ADGRB1: variants seen among roughly 807,000 people sequenced by gnomAD.
The protein encoded by ADGRB1 is adhesion G protein-coupled receptor B1.
In ADGRB1, 36 loss-of-function variants were observed where a neutral mutation model predicts 175.7. That is an observed-to-expected ratio of 0.20 (90% CI 0.16 to 0.27). The LOEUF is 0.27. Ranked by LOEUF, ADGRB1 falls within the 10% of genes least tolerant of loss-of-function variation. The probability of loss-of-function intolerance (pLI) is 1.00; values close to 1 mark genes in which losing one functional copy is unlikely to be tolerated. For synonymous variants in ADGRB1, 1,054 were observed against 979.4 expected, an observed-to-expected ratio of 1.08 and a Z score of -1.42; for missense variants, 1,731 against 2,255.3, an observed-to-expected ratio of 0.77 and a Z score of 4.71.
Position 142,461,720 on chromosome 8 carries a change from T to C in ADGRB1, c.-219-2260T>C, listed in dbSNP as rs539183634. 3.9e-5 allele frequency among the ~76,000 whole-genome samples: 6 copies of C among 152,224 alleles called. 1 individual carries two copies. In the South Asian group the frequency reaches 1.2e-3, roughly 32 times the overall value. On this transcript the variant is annotated intron_variant, in intron 1 of 30. Coordinates refer to ENST00000517894, the MANE Select transcript of ADGRB1 (RefSeq NM_001702.3). ...TGGCATCTTGAGCTGTGCGGGTCCC[T>C]CTGGGGTGAAGGTGGTGCATCTGGG...
chr8:142,485,611 G>T (rs991390118), intron 13 of ADGRB1, among the ~76,000 whole-genome samples: 7 of 152,206 alleles, frequency 4.6e-5, no homozygotes, highest in African/African-American at 1.7e-4. Context: ...ATATGACCAG[G>T]ATCAGCTGAG....
intron 24 of ADGRB1, among the ~76,000 whole-genome samples, chr8:142,529,242 GTA>G (rs2060617944): frequency 6.6e-6 from 1 of 152,044 alleles, no homozygotes; most frequent in Non-Finnish European, 1.5e-5. Flanking sequence ...GGGTGTGTGG[GTA>G]TGCATGTCAC....
Position 142,542,650 on chromosome 8 carries a change from G to A in ADGRB1, c.4413+3G>A. On this transcript the variant is annotated splice_donor_region_variant and intron_variant, in intron 28 of 30. Transcript: ENST00000517894. This position sits in a 1 kb window ranked among gnomAD's most constrained non-coding sequence, Gnocchi z 6.3. ...CCTTGTCTGTGAGCTCCCTGGAGGTGAGGGGGGCAGGGGTGGGCCACACCC... is the reference window on the plus strand; with the variant it reads ...CCTTGTCTGTGAGCTCCCTGGAGGTAAGGGGGGCAGGGGTGGGCCACACCC... 6.5e-7 allele frequency: 1 copy of A among 1,544,166 alleles called. No homozygotes were observed. Among genetic ancestry groups the A allele is most frequent in the East Asian group, 2.5e-5 (1 of 39,402 alleles).
At chr8:142,509,677 C>A (rs1386829222) in intron 17 of ADGRB1, among the ~76,000 whole-genome samples, 1 of 152,252 alleles carries the variant, frequency 6.6e-6, no homozygotes, top group Non-Finnish European at 1.5e-5. Flanking sequence ...CATAGGAAGA[C>A]CCTCGACTTG....
intron 11 of ADGRB1, among the ~76,000 whole-genome samples, chr8:142,483,541 G>T (rs1364757750): frequency 6.9e-6 from 1 of 145,830 alleles, no homozygotes; most frequent in Non-Finnish European, 1.5e-5. Context: ...CACATGCTGA[G>T]CCTCAATCCT....
intron 24 of ADGRB1, among the ~76,000 whole-genome samples, chr8:142,529,598 ATG>A (rs550097286): frequency 4.7e-5 from 7 of 147,632 alleles, no homozygotes; most frequent in African/African-American, 1.0e-4. Context: ...GCGTGCATGT[ATG>A]TGTGTGAGTG....
chr8:142,468,173 AT>A (rs1184089918), intron 2 of ADGRB1, among the ~76,000 whole-genome samples: 1 of 152,048 alleles, frequency 6.6e-6, no homozygotes, highest in Non-Finnish European at 1.5e-5. Context: ...GCTCATGCAT[AT>A]ATGTGGTGTG....
intron 17 of ADGRB1, among the ~76,000 whole-genome samples, chr8:142,500,964 G>A (rs553768354): frequency 4.6e-5 from 7 of 152,266 alleles, no homozygotes; most frequent in African/African-American, 9.6e-5. Context: ...GGTGGTGGCC[G>A]TCCCTCCTGC....
At chr8:142,475,214 A>T (rs2131775237) in intron 2 of ADGRB1, among the ~76,000 whole-genome samples, 1 of 152,262 alleles carries the variant, frequency 6.6e-6, no homozygotes, top group South Asian at 2.1e-4. Context: ...TCATCCCTTC[A>T]TCATCCTGGC....
At chr8:142,503,017 G>A (rs1367268686) in intron 17 of ADGRB1, among the ~76,000 whole-genome samples, 4 of 152,054 alleles carry the variant, frequency 2.6e-5, no homozygotes, top group East Asian at 3.9e-4. Context: ...GATGGTGACA[G>A]TGGTGGTCCT....
intron 17 of ADGRB1, among the ~76,000 whole-genome samples, chr8:142,502,586 TCAC>T (rs1842674844): frequency 2.0e-4 from 2 of 10,182 alleles, no homozygotes; most frequent in Admixed American, 2.2e-3. Flanking sequence ...GGTTCAGTCA[TCAC>T]TGTGGTTTTG....
At chr8:142,534,652 C>T (rs1844824091) in intron 25 of ADGRB1, among the ~76,000 whole-genome samples, 1 of 152,220 alleles carries the variant, frequency 6.6e-6, no homozygotes, top group Admixed American at 6.5e-5. Flanking sequence ...GTGCTCCACA[C>T]TTACATCCCA....
intron 25 of ADGRB1, 45 bp downstream of exon 25, chr8:142,533,511 G>C: frequency 6.5e-7 from 1 of 1,537,870 alleles, no homozygotes; most frequent in Non-Finnish European, 8.8e-7. Flanking sequence ...GCGGGGTCCT[G>C]GGGCTGCCGA....
chr8:142,509,705 C>T (rs1842984399), intron 17 of ADGRB1, among the ~76,000 whole-genome samples: 1 of 152,236 alleles, frequency 6.6e-6, no homozygotes, highest in Admixed American at 6.5e-5. Context: ...CTCCTGAAGT[C>T]CGGGGGCAGG....
At chr8:142,501,891 A>AT (rs1205929860) in intron 17 of ADGRB1, among the ~76,000 whole-genome samples, 2 of 4,664 alleles carry the variant, frequency 4.3e-4, no homozygotes, top group Non-Finnish European at 7.8e-4. Context: ...GGTGATGGTG[A>AT]GGGTGATGTG....
chr8:142,526,090 G>T (rs530234979), intron 23 of ADGRB1, among the ~76,000 whole-genome samples: 1 of 152,278 alleles, frequency 6.6e-6, no homozygotes, highest in African/African-American at 2.4e-5. Flanking sequence ...GCCCTTATGG[G>T]GTGGGCAGTT....
chr8:142,542,001 C>A lies in ADGRB1; in HGVS notation c.3767C>A (p.Pro1256Gln). The change falls in exon 28 of 31, where the codon CCG (proline) becomes CAG (glutamine). Residue 1256 changes from proline (P) to glutamine (Q), a missense_variant. Physicochemically the swap from Pro to Gln is moderately conservative, Grantham distance 76 (BLOSUM62 -1). This residue lies in a region of ADGRB1 where 301 missense variants were observed against 488.4 expected (regional missense o/e 0.62). Coordinates refer to ENST00000517894, the MANE Select transcript of ADGRB1 (RefSeq NM_001702.3). This position sits in a 1 kb window ranked among gnomAD's most constrained non-coding sequence, Gnocchi z 6.3. ...TATITGTLKR[P>Q]SLPEEEKLKL... ...ACCATCACGGGCACACTGAAGCGGC[C>A]GTCTCTGCCCGAGGAGGAGAAGCTG... 6.3e-7 allele frequency: 1 copy of A among 1,594,064 alleles called. No individual in the cohort carries two copies. Among genetic ancestry groups the A allele is most frequent in the South Asian group, 1.1e-5 (1 of 88,686 alleles).
At position 142,474,696 on chromosome 8, in the gene ADGRB1, G is replaced by A. The variant is rs1211288730; in HGVS notation, c.785-778G>A. On this transcript the variant is annotated intron_variant, in intron 2 of 30. Coordinates refer to ENST00000517894, the MANE Select transcript of ADGRB1 (RefSeq NM_001702.3). The surrounding 1 kb of genome is among the most constrained non-coding windows in gnomAD (Gnocchi z 5.8). ...GGGGCGTGAGGTCTGGTTTGCTAGG[G>A]GAACACAGGTCCATGAAGGCCGCGG... is the stretch of plus-strand genomic sequence containing the variant. Among the ~76,000 whole-genome samples, 1 of 152,174 alleles carries A rather than the reference G, an allele frequency of 6.6e-6. No homozygotes were observed. Among genetic ancestry groups the A allele is most frequent in the Non-Finnish European group, 1.5e-5 (1 of 68,034 alleles).
chr8:142,536,180 T>C (rs1007665784), intron 25 of ADGRB1, among the ~76,000 whole-genome samples: 15 of 151,994 alleles, frequency 9.9e-5, no homozygotes, highest in Non-Finnish European at 1.9e-4. Context: ...TTTGGATGCC[T>C]CCTCCAGGAA....
Sources: gnomAD v4.1 joint callset for allele counts (sites outside exome capture counted in the v4.1 genomes callset) on GRCh38, gnomAD v4.1.1 for gene constraint, gnomAD v4.1.1 regional missense constraint, Gnocchi (gnomAD v3.1) non-coding constraint, MANE v1.5 for transcripts, NCBI Gene and HGNC (gene_info 2026-07-23, HGNC 2026-07-21) for gene names.